SEMA6A: variants seen among roughly 807,000 people sequenced by gnomAD.
SEMA6A encodes semaphorin-6A.
SEMA6A carries 25 observed loss-of-function variants against 96.8 expected under a neutral mutation model. The observed-to-expected ratio is 0.26, with a 90% CI of 0.19 to 0.36. SEMA6A has a LOEUF of 0.36. Among genes scored for constraint, SEMA6A ranks in the 10% least tolerant of loss-of-function variants. The pLI is 1.00. For missense variants in SEMA6A, 1,363 were observed against 1,323.1 expected (o/e 1.03, Z -0.47); for synonymous variants, 612 against 518.0 (o/e 1.18, Z -2.46).
rs185424596 is a variant in SEMA6A, at chr5:116,535,622, G to A, written c.-38-30640C>T. Among the ~76,000 whole-genome samples, 33 of 152,308 alleles carry A rather than the reference G, an allele frequency of 2.2e-4. No individual in the cohort carries two copies. In the East Asian group the frequency reaches 5.8e-3, roughly 27 times the overall value. The stretch of plus-strand genomic sequence containing the variant: ...ATAATAGATGTCCTACTAATTCCAT[G>A]CGGTCCTGACACACCTTGAAAAACA... On this transcript the variant is annotated intron_variant, in intron 1 of 18. Transcript: ENST00000343348.
intron 1 of SEMA6A, among the ~76,000 whole-genome samples, chr5:116,520,903 C>T (rs996191802): frequency 2.0e-5 from 3 of 152,108 alleles, no homozygotes; most frequent in African/African-American, 4.8e-5. Flanking sequence ...CACAGATGGT[C>T]CAGAAGGATC....
At chr5:116,516,830 C>T (rs540576721) in intron 1 of SEMA6A, among the ~76,000 whole-genome samples, 5 of 152,310 alleles carry the variant, frequency 3.3e-5, no homozygotes, top group African/African-American at 1.2e-4. Context: ...GTTTGAATGT[C>T]TCTACCACTT....
intron 1 of SEMA6A, chr5:116,508,209 A>T (rs1419327713): frequency 1.3e-5 from 2 of 152,216 alleles, no homozygotes; most frequent in Non-Finnish European, 2.9e-5. Flanking sequence ...GGACTGTCTG[A>T]AAACCGTGTG....
intron 5 of SEMA6A, chr5:116,495,977 A>G (rs1234122502): frequency 5.0e-6 from 2 of 400,328 alleles, no homozygotes; most frequent in South Asian, 2.6e-5. Context: ...GCGTACACTC[A>G]GAAGACAAGA....
intron 1 of SEMA6A, among the ~76,000 whole-genome samples, chr5:116,539,495 A>G (rs1226282935): frequency 6.6e-6 from 1 of 152,018 alleles, no homozygotes; most frequent in Non-Finnish European, 1.5e-5. Flanking sequence ...CAGAGCTTCC[A>G]TCCTGCTTCT....
At chr5:116,509,755 G>A (rs941716765) in intron 1 of SEMA6A, among the ~76,000 whole-genome samples, 4 of 152,070 alleles carry the variant, frequency 2.6e-5, no homozygotes, top group African/African-American at 9.7e-5. Flanking sequence ...AGGCTGAGGT[G>A]GGGTGAGGTG....
At chr5:116,518,103 G>C (rs1013426723) in intron 1 of SEMA6A, among the ~76,000 whole-genome samples, 2 of 152,168 alleles carry the variant, frequency 1.3e-5, no homozygotes, top group African/African-American at 4.8e-5. Flanking sequence ...TTAGGAACTA[G>C]TTACTAAAAT....
chr5:116,480,736 G>A (rs1756716662), intron 11 of SEMA6A, among the ~76,000 whole-genome samples: 1 of 152,254 alleles, frequency 6.6e-6, no homozygotes, highest in African/African-American at 2.4e-5. Flanking sequence ...GTATGTGCCA[G>A]CAAGACTCCG....
In SEMA6A at chr5:116,571,034, TGAG is replaced by T. The variant is rs367664639; in HGVS notation, c.-39+3148_-39+3150del. 3.0e-4 allele frequency among the ~76,000 whole-genome samples: 45 copies of T among 152,304 alleles called. No individual in the cohort carries two copies. In the East Asian group the frequency reaches 8.5e-3, roughly 29 times the overall value. ...GCATTTACTAGATTTTGGAAGAACT[TGAG>T]GGGTGTGTGTTGTGTGTAAATAAAA... On this transcript the variant is annotated intron_variant, in intron 1 of 18. Coordinates refer to ENST00000343348, the MANE Select transcript of SEMA6A (RefSeq NM_020796.5).
chr5:116,547,637 A>T (rs945772426), intron 1 of SEMA6A, among the ~76,000 whole-genome samples: 1 of 150,208 alleles, frequency 6.7e-6, no homozygotes, highest in Non-Finnish European at 1.5e-5. Flanking sequence ...TCATAACAGT[A>T]TTACTAACAA....
At chr5:116,510,337 C>T (rs1474523745) in intron 1 of SEMA6A, among the ~76,000 whole-genome samples, 5 of 152,118 alleles carry the variant, frequency 3.3e-5, no homozygotes, top group Non-Finnish European at 7.4e-5. Flanking sequence ...GTGTGACTGC[C>T]TCCAAAAGTG....
rs1321183036 is a variant in SEMA6A at position 116,495,461 on chromosome 5, C to A, written c.396G>T (p.Leu132Phe). 1.9e-6 allele frequency: 3 copies of A among 1,610,566 alleles called. No individual in the cohort carries two copies. The highest frequency in any genetic ancestry group is 1.3e-5 in the African/African-American group (1 of 75,038). ...TGAAGGCATTAGTTCCACAGACAAA[C>A]AATGCATCATCGTTTTTCTTTAGAA... Reference protein sequence around the residue: ...KVLLKKNDDALFVCGTNAFNP... With the variant: ...KVLLKKNDDAFFVCGTNAFNP... Residue 132 changes from leucine to phenylalanine, a missense_variant, in exon 6 of 19, where the codon TTG becomes TTT. Transcript: ENST00000343348.
At chr5:116,472,775 C>T (rs1756228741) in intron 17 of SEMA6A, 1 of 810,444 alleles carries the variant, frequency 1.2e-6, no homozygotes. Flanking sequence ...AATTGGGGCC[C>T]TAAAGTAACA....
chr5:116,540,819 A>C (rs1759929930), intron 1 of SEMA6A, among the ~76,000 whole-genome samples: 1 of 152,168 alleles, frequency 6.6e-6, no homozygotes, highest in African/African-American at 2.4e-5. Flanking sequence ...CCTGCCAACA[A>C]CTTCTACTTC....
intron 1 of SEMA6A, among the ~76,000 whole-genome samples, chr5:116,548,117 G>C (rs1421357302): frequency 2.0e-5 from 3 of 152,194 alleles, no homozygotes; most frequent in African/African-American, 7.2e-5. Context: ...TGGCTCCAAA[G>C]CTCTGTGGTA....
chr5:116,526,572 A>G (rs1759236058), intron 1 of SEMA6A, among the ~76,000 whole-genome samples: 1 of 152,212 alleles, frequency 6.6e-6, no homozygotes. Flanking sequence ...AAGCTGCAAA[A>G]TAAAGTATAA....
intron 17 of SEMA6A, 165 bp from the exon 18 acceptor site, chr5:116,467,912 G>GGTT (rs1198663614): frequency 1.5e-6 from 1 of 656,998 alleles, no homozygotes; most frequent in African/African-American, 1.8e-5. Flanking sequence ...TGGTGGTGGT[G>GGTT]GTGTGGGGTG....
intron 14 of SEMA6A, 22 bp from the exon 15 acceptor site, chr5:116,477,948 G>A (rs1295975678): frequency 1.9e-6 from 3 of 1,613,940 alleles, no homozygotes; most frequent in Non-Finnish European, 2.5e-6. Flanking sequence ...GGATGACCAT[G>A]AGCTACCTAG....
At chr5:116,492,917 T>C (rs1424873639) in intron 6 of SEMA6A, among the ~76,000 whole-genome samples, 1 of 152,226 alleles carries the variant, frequency 6.6e-6, no homozygotes, top group Non-Finnish European at 1.5e-5. Flanking sequence ...TGCAGCCAAA[T>C]ACATTATGTC....
Sources: gnomAD v4.1 joint callset for allele counts (sites outside exome capture counted in the v4.1 genomes callset) on GRCh38, gnomAD v4.1.1 for gene constraint, MANE v1.5 for transcripts, NCBI Gene and HGNC (gene_info 2026-07-23, HGNC 2026-07-21) for gene names.